The following CAMTA1 variants were observed in gnomAD, a reference collection of about 807,000 sequenced individuals.
CAMTA1 encodes calmodulin-binding transcription activator 1.
In CAMTA1, 27 loss-of-function variants were observed where a neutral mutation model predicts 170.9. The observed-to-expected ratio is 0.16, with a 90% confidence interval of 0.12 to 0.22. CAMTA1 has a LOEUF of 0.22. CAMTA1 is among the 10% of genes least tolerant of loss of function. CAMTA1 has a pLI of 1.00. For synonymous variants in CAMTA1, 833 were observed against 891.5 expected (o/e 0.93, Z 1.17); for missense variants, 1,619 against 2,217.2 (o/e 0.73, Z 5.42).
At chr1:7,508,026 G>A (rs1382035366) in intron 6 of CAMTA1, among the ~76,000 whole-genome samples, 2 of 152,254 alleles carry the variant, frequency 1.3e-5, no homozygotes. Context: ...GGGGTTTATG[G>A]GGCACTTGGC....
chr1:7,280,910 G>A (rs1235662471), intron 5 of CAMTA1, among the ~76,000 whole-genome samples: 1 of 152,124 alleles, frequency 6.6e-6, no homozygotes, highest in East Asian at 1.9e-4. Context: ...TAAAAATAAA[G>A]CCAAATTAGG....
intron 3 of CAMTA1, among the ~76,000 whole-genome samples, chr1:7,009,869 T>C (rs1200004648): frequency 6.6e-6 from 1 of 152,210 alleles, no homozygotes; most frequent in African/African-American, 2.4e-5. Flanking sequence ...ATGGGGCTGC[T>C]TTCCCTGCGG....
At chr1:7,372,773 G>T (rs2086574291) in intron 5 of CAMTA1, among the ~76,000 whole-genome samples, 1 of 152,200 alleles carries the variant, frequency 6.6e-6, no homozygotes, top group African/African-American at 2.4e-5. Flanking sequence ...AGAGAGATGA[G>T]ACACGTGGCT....
intron 5 of CAMTA1, among the ~76,000 whole-genome samples, chr1:7,360,324 G>A (rs565552790): frequency 1.3e-5 from 2 of 152,282 alleles, no homozygotes; most frequent in African/African-American, 4.8e-5. Flanking sequence ...TCAGCCCTGG[G>A]GCAGGTTCTG....
At chr1:7,671,566 G>A (rs1206524905) in intron 10 of CAMTA1, among the ~76,000 whole-genome samples, 4 of 152,246 alleles carry the variant, frequency 2.6e-5, no homozygotes, top group Admixed American at 2.6e-4. Context: ...GGCAGGGGCG[G>A]AGGGAGATGG....
In CAMTA1 at chr1:7,737,281, G is replaced by C. The variant is rs111899962; in HGVS notation, c.3369G>C (p.Leu1123Phe). The C allele has an allele frequency of 6.2e-7, 1 of 1,614,040 alleles. No homozygotes were observed. Among genetic ancestry groups the C allele is most frequent in the Non-Finnish European group, 8.5e-7 (1 of 1,179,976 alleles). ...TGTGGGCGTGTGCCCTAGGGCACTTGGAAGCTGCCGTCGTGCTGTACAAGT... is the reference window on the plus strand; with the variant it reads ...TGTGGGCGTGTGCCCTAGGGCACTTCGAAGCTGCCGTCGTGCTGTACAAGT... ...PLMWACALGH[L>F]EAAVVLYKWD... Residue 1123 changes from leucine (L) to phenylalanine (F), a missense_variant, in exon 15 of 23, where the codon TTG becomes TTC. By Grantham distance (22) the Leu-to-Phe change is conservative. Around this residue, in one of 8 missense-constraint regions of CAMTA1, gnomAD observed 60 missense variants for 128.5 expected, o/e 0.47. Coordinates refer to ENST00000303635, the MANE Select transcript of CAMTA1 (RefSeq NM_015215.4).
intron 4 of CAMTA1, among the ~76,000 whole-genome samples, chr1:7,188,086 G>C (rs1245756940): frequency 6.6e-6 from 1 of 152,106 alleles, no homozygotes; most frequent in Non-Finnish European, 1.5e-5. Context: ...GGCAAGAGGG[G>C]AACTACCAAA....
chr1:7,045,457 G>T (rs1705219608), intron 3 of CAMTA1, among the ~76,000 whole-genome samples: 1 of 152,184 alleles, frequency 6.6e-6, no homozygotes, highest in African/African-American at 2.4e-5. Context: ...ACCTGAGACT[G>T]CATGTCTGAC....
In CAMTA1 at chr1:7,738,091, C is replaced by T. The variant is rs775563405; in HGVS notation, c.3791C>T (p.Ala1264Val). The change falls in exon 16 of 23, where the codon GCA (alanine) becomes GTA (valine). Residue 1264 changes from alanine (A) to valine (V), a missense_variant. By Grantham distance (64) the Ala-to-Val change is moderately conservative. Around this residue, in one of 8 missense-constraint regions of CAMTA1, gnomAD observed 370 missense variants for 429.4 expected, o/e 0.86. Transcript: ENST00000303635. The surrounding 1 kb of genome is among the most constrained non-coding windows in gnomAD (Gnocchi z 4.9). ...AGGCAGGAGAAGCTGCTTCCCACTGCACTGAGTCTGGAAGAGCCAAATATC... is the reference window on the plus strand; with the variant it reads ...AGGCAGGAGAAGCTGCTTCCCACTGTACTGAGTCTGGAAGAGCCAAATATC... ...QTRQEKLLPT[A>V]LSLEEPNIRK... 2.2e-5 allele frequency: 35 copies of T among 1,614,058 alleles called. No individual in the cohort carries two copies. The highest frequency in any genetic ancestry group is 2.7e-5 in the Non-Finnish European group (32 of 1,180,046).
rs760106795 is a variant in CAMTA1, at chr1:7,286,285, G to A, written c.438+36659G>A. 7.9e-5 allele frequency among the ~76,000 whole-genome samples: 12 copies of A among 152,346 alleles called. No individual in the cohort carries two copies. Among genetic ancestry groups the A allele is most frequent in the South Asian group, 4.1e-4 (2 of 4,830 alleles). ...GAGTTGATGGCACAGGTGGAGGGGC[G>A]GAGGCGCCAGGGTGTGCCACGTGCT... is the stretch of plus-strand genomic sequence containing the variant. On this transcript the variant is annotated intron_variant, in intron 5 of 22. Transcript: ENST00000303635. The surrounding 1 kb of genome is among the most constrained non-coding windows in gnomAD (Gnocchi z 4.2).
In CAMTA1 at chr1:7,673,690, T is replaced by C. The variant is rs949657381; in HGVS notation, c.2779+2653T>C. 6.6e-6 allele frequency among the ~76,000 whole-genome samples: 1 copy of C among 152,234 alleles called. No homozygotes were observed. Among genetic ancestry groups the C allele is most frequent in the Non-Finnish European group, 1.5e-5 (1 of 68,030 alleles). ...GGGACTCCCCTGCTAGAGCCAGCAC[T>C]CTGTCTTCAGCTAACTCCACAAAGG... On this transcript the variant is annotated intron_variant, in intron 10 of 22. Coordinates refer to ENST00000303635, the MANE Select transcript of CAMTA1 (RefSeq NM_015215.4). The surrounding 1 kb of genome is among the most constrained non-coding windows in gnomAD (Gnocchi z 4.6).
intron 2 of CAMTA1, among the ~76,000 whole-genome samples, 198 bp downstream of exon 2, chr1:6,820,448 G>A (rs1316998805): frequency 6.6e-6 from 1 of 152,178 alleles, no homozygotes; most frequent in Non-Finnish European, 1.5e-5. Flanking sequence ...TAAAGTTTCT[G>A]TGGAGATGAA....
At chr1:7,526,984 G>A (rs2094439237) in intron 6 of CAMTA1, among the ~76,000 whole-genome samples, 2 of 152,194 alleles carry the variant, frequency 1.3e-5, no homozygotes, top group African/African-American at 4.8e-5. Context: ...CAGGGACTTT[G>A]ACTGCTGAGA....
intron 11 of CAMTA1, among the ~76,000 whole-genome samples, chr1:7,704,804 CGGGCCGGGCG>C (rs918754637): frequency 1.8e-4 from 26 of 143,352 alleles, no homozygotes; most frequent in African/African-American, 4.5e-4. Flanking sequence ...CGGGCTGGGC[CGGGCCGGGCG>C]GGGCCGGGCG....
In CAMTA1 at chr1:7,251,035, G is replaced by A. The variant is rs1056817082; in HGVS notation, c.438+1409G>A. Among the ~76,000 whole-genome samples the A allele has an allele frequency of 5.3e-5, 8 of 152,210 alleles. No individual in the cohort carries two copies. On this transcript the variant is annotated intron_variant, in intron 5 of 22. Coordinates refer to ENST00000303635, the MANE Select transcript of CAMTA1 (RefSeq NM_015215.4). This position sits in a 1 kb window ranked among gnomAD's most constrained non-coding sequence, Gnocchi z 5.1. ...GCTGGAGGGAGAGGTAGAGAGTGAGGCAAGGCTGGGTGGGGCCCCCGAACA... is the reference window on the plus strand; with the variant it reads ...GCTGGAGGGAGAGGTAGAGAGTGAGACAAGGCTGGGTGGGGCCCCCGAACA...
At chr1:6,798,871 C>T (rs577744329) in intron 1 of CAMTA1, among the ~76,000 whole-genome samples, 1 of 151,946 alleles carries the variant, frequency 6.6e-6, no homozygotes, top group South Asian at 2.1e-4. Flanking sequence ...GCTCGGATTA[C>T]AGACGTTAGC....
chr1:7,214,758 C>A (rs569588934), intron 4 of CAMTA1, among the ~76,000 whole-genome samples: 2 of 152,244 alleles, frequency 1.3e-5, no homozygotes, highest in African/African-American at 4.8e-5. Context: ...TTTGCCTAGT[C>A]CTAGTTCCCA....
Position 7,173,662 on chromosome 1 carries a change from A to G in CAMTA1, c.303-75829A>G, listed in dbSNP as rs1573640292. Among the ~76,000 whole-genome samples the G allele has an allele frequency of 6.6e-6, 1 of 152,040 alleles. No homozygotes were observed. Among genetic ancestry groups the G allele is most frequent in the South Asian group, 2.1e-4 (1 of 4,798 alleles). On this transcript the variant is annotated intron_variant, in intron 4 of 22. Transcript: ENST00000303635. The surrounding 1 kb of genome is among the most constrained non-coding windows in gnomAD (Gnocchi z 5.4). ...CTCAGCCTCCCAAAGTGCTGAGATT[A>G]CAGGCGTGAGCCACCGTGCCCAGCC...
intron 5 of CAMTA1, among the ~76,000 whole-genome samples, chr1:7,451,664 A>G (rs2092827811): frequency 6.6e-6 from 1 of 151,988 alleles, no homozygotes; most frequent in Non-Finnish European, 1.5e-5. Flanking sequence ...CCTCCTGTCA[A>G]TGAACCATCA....
Sources: gnomAD v4.1 joint callset for allele counts (sites outside exome capture counted in the v4.1 genomes callset) on GRCh38, gnomAD v4.1.1 for gene constraint, gnomAD v4.1.1 regional missense constraint, Gnocchi (gnomAD v3.1) non-coding constraint, MANE v1.5 for transcripts, NCBI Gene and HGNC (gene_info 2026-07-23, HGNC 2026-07-21) for gene names.